RAB22A: variants seen among roughly 807,000 people sequenced by gnomAD.
The protein encoded by RAB22A is RAB22A, member RAS oncogene family, also known as ras-related protein Rab-22A.
Under a neutral mutation model 30.2 loss-of-function variants are expected in RAB22A, and 13 were observed. The ratio of observed to expected loss-of-function variants is 0.43; its 90% CI spans 0.28 to 0.68. RAB22A has a LOEUF of 0.68. Ranked by LOEUF, RAB22A falls within the 30% of genes least tolerant of loss-of-function variation. The probability of loss-of-function intolerance (pLI) is 0.18; values close to 1 mark genes in which losing one functional copy is unlikely to be tolerated. For missense variants in RAB22A, 177 were observed against 246.8 expected (o/e 0.72, Z 1.89); for synonymous variants, 89 against 87.2 (o/e 1.02, Z -0.11).
chr20:58,341,767 T>C (rs1262530251), intron 2 of RAB22A, among the ~76,000 whole-genome samples: 1 of 152,222 alleles, frequency 6.6e-6, no homozygotes, highest in African/African-American at 2.4e-5. Context: ...TAGGTTAAAC[T>C]TCATTGAGTC....
At chr20:58,334,981 G>A (rs73915836) in intron 2 of RAB22A, among the ~76,000 whole-genome samples, 309 of 152,088 alleles carry the variant, frequency 2.0e-3, no homozygotes, top group African/African-American at 7.2e-3. Flanking sequence ...TTTATAGCAG[G>A]CTTGTTCATT....
intron 2 of RAB22A, among the ~76,000 whole-genome samples, chr20:58,317,570 T>C (rs1241493374): frequency 1.4e-5 from 2 of 148,146 alleles, no homozygotes; most frequent in African/African-American, 5.0e-5. Flanking sequence ...TTTTTTTTTT[T>C]TTTTTTGAGA....
At position 58,365,684 on chromosome 20, in the gene RAB22A, C is replaced by CG. The variant is rs1987302007; in HGVS notation, c.*5983dup. On this transcript the variant is annotated 3_prime_UTR_variant, in exon 7 of 7. Coordinates refer to ENST00000244040, the MANE Select transcript of RAB22A (RefSeq NM_020673.3). ...CTTTTTTTTCTTTTTTTTTTTGAGA[C>CG]GGAGTCTCGCTCTGTCACCCAGGCT... The CG allele has an allele frequency of 6.6e-6, 1 of 150,710 alleles. No individual in the cohort carries two copies. 9.3% of individuals were successfully genotyped at this position (150,710 alleles called of 1,614,324 possible).
intron 3 of RAB22A, 133 bp downstream of exon 3, chr20:58,343,932 G>A (rs184468748): frequency 3.7e-5 from 28 of 756,756 alleles, no homozygotes; most frequent in Non-Finnish European, 5.7e-5. Context: ...TTCCATTTGC[G>A]TAGGCCAGCC....
intron 6 of RAB22A, among the ~76,000 whole-genome samples, chr20:58,357,462 A>G (rs1987150840): frequency 6.6e-6 from 1 of 152,220 alleles, no homozygotes; most frequent in Non-Finnish European, 1.5e-5. Context: ...TAATCTTCAT[A>G]TAATCTGACT....
intron 2 of RAB22A, among the ~76,000 whole-genome samples, chr20:58,331,110 T>C (rs1298572643): frequency 6.6e-6 from 1 of 152,206 alleles, no homozygotes; most frequent in African/African-American, 2.4e-5. Flanking sequence ...GGCCCTTCTT[T>C]TCAAACATTT....
At chr20:58,339,159 G>T (rs756678139) in intron 2 of RAB22A, among the ~76,000 whole-genome samples, 1 of 152,216 alleles carries the variant, frequency 6.6e-6, no homozygotes, top group African/African-American at 2.4e-5. Context: ...TGACTACTTG[G>T]TGTGCATGAA....
At position 58,354,265 on chromosome 20, in the gene RAB22A, A is replaced by G; in HGVS notation, c.487A>G (p.Ser163Gly). The change falls in exon 6 of 7, where the codon AGT becomes GGT. Residue 163 changes from serine (S) to glycine (G), a missense_variant and splice_region_variant. Coordinates refer to ENST00000244040, the MANE Select transcript of RAB22A (RefSeq NM_020673.3). ...CATAAATGAACTCTTTATAGAAATT[A>G]GTGAGTATCTCTGTGCCTTATCCAT... Reference protein sequence around the residue: ...ININELFIEISRRIPSTDANL... With the variant: ...ININELFIEIGRRIPSTDANL... The G allele has an allele frequency of 4.4e-6, 7 of 1,599,068 alleles. No individual in the cohort carries two copies. The highest frequency in any genetic ancestry group is 6.0e-6 in the Non-Finnish European group (7 of 1,167,614).
At chr20:58,354,289 A>T (rs751844525) in intron 6 of RAB22A, 24 bp downstream of exon 6, 3 of 1,531,978 alleles carry the variant, frequency 2.0e-6, no homozygotes, top group Non-Finnish European at 2.7e-6. Flanking sequence ...TGCCTTATCC[A>T]TTTCCTCTGT....
chr20:58,314,886 A>C (rs11699178), intron 2 of RAB22A, among the ~76,000 whole-genome samples: 18,811 of 152,000 alleles, frequency 0.12, 1,786 homozygotes, highest in East Asian at 0.42. Context: ...ATGGAAGTGA[A>C]GTAGTTGGTG....
At chr20:58,320,680 T>C (rs1390582344) in intron 2 of RAB22A, among the ~76,000 whole-genome samples, 1 of 152,256 alleles carries the variant, frequency 6.6e-6, no homozygotes, top group African/African-American at 2.4e-5. Context: ...TCTTTGAGCA[T>C]TGGTGTCTTA....
chr20:58,341,399 A>G (rs1986851667), intron 2 of RAB22A, among the ~76,000 whole-genome samples: 1 of 152,112 alleles, frequency 6.6e-6, no homozygotes, highest in South Asian at 2.1e-4. Context: ...GGGTAGAGGA[A>G]GCAGGTGGAG....
intron 2 of RAB22A, among the ~76,000 whole-genome samples, chr20:58,317,975 C>T (rs372323208): frequency 6.6e-6 from 1 of 152,190 alleles, no homozygotes; most frequent in Non-Finnish European, 1.5e-5. Flanking sequence ...CTTGGCTCAG[C>T]CTCCTGAGTA....
chr20:58,342,568 A>C (rs550033237), intron 2 of RAB22A, among the ~76,000 whole-genome samples: 18 of 152,094 alleles, frequency 1.2e-4, no homozygotes, highest in Non-Finnish European at 2.4e-4. Context: ...AGCATATCTG[A>C]AAATGCCAGC....
intron 6 of RAB22A, among the ~76,000 whole-genome samples, chr20:58,359,115 C>T (rs1017590398): frequency 6.6e-6 from 1 of 152,178 alleles, no homozygotes; most frequent in Non-Finnish European, 1.5e-5. Flanking sequence ...AAATGGGCCA[C>T]AGTGGTGGCC....
At chr20:58,311,349 G>C (rs1486444724) in intron 2 of RAB22A, among the ~76,000 whole-genome samples, 1 of 152,144 alleles carries the variant, frequency 6.6e-6, no homozygotes, top group Non-Finnish European at 1.5e-5. Flanking sequence ...AATATGAATT[G>C]GAGTTCTACT....
At chr20:58,356,097 G>A (rs1447955187) in intron 6 of RAB22A, among the ~76,000 whole-genome samples, 1 of 152,126 alleles carries the variant, frequency 6.6e-6, no homozygotes, top group East Asian at 1.9e-4. Context: ...GATCACCTGA[G>A]GTCAGGAGTT....
At chr20:58,313,449 T>C (rs957460950) in intron 2 of RAB22A, among the ~76,000 whole-genome samples, 4 of 152,048 alleles carry the variant, frequency 2.6e-5, no homozygotes, top group Non-Finnish European at 5.9e-5. Flanking sequence ...TCCTCAGCCC[T>C]ATCATCTTGT....
At chr20:58,327,356 T>C (rs1221666510) in intron 2 of RAB22A, among the ~76,000 whole-genome samples, 1 of 152,226 alleles carries the variant, frequency 6.6e-6, no homozygotes, top group Non-Finnish European at 1.5e-5. Context: ...TCTGTCCCAC[T>C]CTGATGGTGT....
Sources: gnomAD v4.1 joint callset for allele counts (sites outside exome capture counted in the v4.1 genomes callset) on GRCh38, gnomAD v4.1.1 for gene constraint, MANE v1.5 for transcripts, NCBI Gene and HGNC (gene_info 2026-07-23, HGNC 2026-07-21) for gene names.